Variants in IRAG2 observed in about 807,000 individuals in gnomAD.
The protein encoded by IRAG2 is lymphoid restricted membrane protein.
A neutral mutation model predicts 69.9 loss-of-function variants in IRAG2; 45 were observed. That is an observed-to-expected ratio of 0.64 (90% confidence interval 0.51 to 0.83). The LOEUF (loss-of-function observed/expected upper bound fraction) is 0.83, where lower values mean the gene tolerates loss of function less well. Among genes scored for constraint, IRAG2 ranks in the 40% least tolerant of loss-of-function variants. The probability of loss-of-function intolerance (pLI) is 0.00; values close to 1 mark genes in which losing one functional copy is unlikely to be tolerated. For synonymous variants in IRAG2, 193 were observed against 202.4 expected, an observed-to-expected ratio of 0.95 and a Z score of 0.40; for missense variants, 520 against 587.0, an observed-to-expected ratio of 0.89 and a Z score of 1.18.
At chr12:25,028,612 C>T (rs1944644018) in intron 9 of IRAG2, among the ~76,000 whole-genome samples, 5 of 152,044 alleles carry the variant, frequency 3.3e-5, no homozygotes, top group African/African-American at 1.2e-4. Context: ...ATATTTCATA[C>T]ATATTTTTGT....
At chr12:25,102,168 T>C (rs1480226509) in intron 16 of IRAG2, 30 bp from the exon 17 acceptor site, 6 of 1,601,454 alleles carry the variant, frequency 3.7e-6, no homozygotes, top group African/African-American at 2.7e-5. Flanking sequence ...GTGTAATAGC[T>C]AAAATGTGTC....
chr12:25,023,275 G>T (rs974692367), intron 7 of IRAG2, among the ~76,000 whole-genome samples: 2 of 151,992 alleles, frequency 1.3e-5, no homozygotes, highest in Non-Finnish European at 2.9e-5. Context: ...TATTATAAAG[G>T]TAATACCTAT....
chr12:25,064,696 G>T (rs1945855162), intron 4 of IRAG2, among the ~76,000 whole-genome samples: 1 of 152,172 alleles, frequency 6.6e-6, no homozygotes, highest in African/African-American at 2.4e-5. Flanking sequence ...AATACTAATG[G>T]AGTGTCTATT....
At chr12:25,032,646 A>T (rs1358827917) in intron 12 of IRAG2, among the ~76,000 whole-genome samples, 2 of 152,196 alleles carry the variant, frequency 1.3e-5, no homozygotes. Flanking sequence ...CAAGATCAGG[A>T]TGCCAGCAGG....
chr12:25,097,517 A>T (rs1165085712), intron 15 of IRAG2: 1 of 152,344 alleles, frequency 6.6e-6, no homozygotes, highest in Non-Finnish European at 1.5e-5. Context: ...TCCAGTAAAT[A>T]TCCTTGTATA....
intron 9 of IRAG2, among the ~76,000 whole-genome samples, chr12:25,082,826 A>G (rs2140125789): frequency 6.6e-6 from 1 of 152,314 alleles, no homozygotes; most frequent in South Asian, 2.1e-4. Context: ...GCACTGAACT[A>G]AATGTAGGAC....
Position 25,034,019 on chromosome 12 carries a change from G to T in IRAG2, c.1743+72G>T, listed in dbSNP as rs185881834. The T allele has an allele frequency of 1.0e-5, 4 of 397,690 alleles. No homozygotes were observed. The East Asian group carries it at 1.4e-4, about 14-fold the overall frequency. 24.6% of individuals were successfully genotyped at this position (397,690 alleles called of 1,614,324 possible). A position where few individuals can be genotyped will look rare whatever the true frequency, so the allele number is the denominator to read the frequency against. On this transcript the variant is annotated intron_variant, in intron 13 of 38. Coordinates refer to the IRAG2 transcript ENST00000636465. ...ATGTGATAGCTTATGATTTAATGAA[G>T]GTTCACAGCTTGCCAAAAACTACCA...
At chr12:25,030,829 G>C (rs544264842) in intron 10 of IRAG2, among the ~76,000 whole-genome samples, 1 of 152,332 alleles carries the variant, frequency 6.6e-6, no homozygotes, top group Non-Finnish European at 1.5e-5. Flanking sequence ...CCAGTCACTG[G>C]CTAGATACTG....
chr12:25,015,125 T>TA, intron 3 of IRAG2: 1 of 419,512 alleles, frequency 2.4e-6, no homozygotes, highest in African/African-American at 3.4e-5. Context: ...CAAAACTTGG[T>TA]CAGGCAAAGA....
chr12:25,075,356 TTAG>T (rs1402997617), intron 6 of IRAG2, among the ~76,000 whole-genome samples: 1 of 152,178 alleles, frequency 6.6e-6, no homozygotes, highest in East Asian at 1.9e-4. Flanking sequence ...TAAATATTTA[TTAG>T]TAGAAGGTTT....
chr12:25,067,102 T>C (rs912356754), intron 5 of IRAG2, among the ~76,000 whole-genome samples: 4 of 152,214 alleles, frequency 2.6e-5, no homozygotes, highest in African/African-American at 9.7e-5. Flanking sequence ...TACCGTAGAC[T>C]GCTAAGTTAA....
At chr12:25,041,135 G>A (rs1944745274) in intron 16 of IRAG2, among the ~76,000 whole-genome samples, 1 of 152,120 alleles carries the variant, frequency 6.6e-6, no homozygotes, top group Non-Finnish European at 1.5e-5. Context: ...AGGAGCCTGA[G>A]GTTGTAGTGA....
In IRAG2 at chr12:25,107,043, T is replaced by C. The variant is rs1465631007; in HGVS notation, c.1249T>C (p.Ser417Pro). The change falls in exon 21 of 22, where the codon TCT (serine) becomes CCT (proline). Residue 417 changes from serine (S) to proline (P), a missense_variant. Transcript: ENST00000556887. ...AAATAATCCATCAAAGTGGGATGTC[T>C]CTTCAGTGTAAGTTATCTACTTGAT... ...KKNNPSKWDV[S>P]SVYDTIASWA... The C allele has an allele frequency of 1.9e-6, 3 of 1,577,836 alleles. No individual in the cohort carries two copies. Among genetic ancestry groups the C allele is most frequent in the Non-Finnish European group, 2.6e-6 (3 of 1,152,044 alleles).
rs764265527 is a variant in IRAG2, at chr12:25,046,672, TAAAG to T, written c.2145-5560_2145-5557del. ...ACTACAAAATATTGATGAGAGAAAT[TAAAG>T]AAGACACAAATAAATGAAAAGGCAT... On this transcript the variant is annotated intron_variant, in intron 16 of 38. Coordinates refer to the IRAG2 transcript ENST00000636465. 2.5e-4 allele frequency among the ~76,000 whole-genome samples: 38 copies of T among 152,186 alleles called. 1 individual carries two copies. The highest frequency in any genetic ancestry group is 2.0e-4 in the Admixed American group (3 of 15,290).
chr12:25,063,549 T>C (rs1273148648), intron 3 of IRAG2, among the ~76,000 whole-genome samples, 171 bp from the exon 4 acceptor site: 8 of 152,230 alleles, frequency 5.3e-5, no homozygotes, highest in African/African-American at 9.6e-5. Context: ...TACCTTTTGA[T>C]CAAACACTTG....
At chr12:25,035,266 C>T (rs1944694293) in intron 13 of IRAG2, among the ~76,000 whole-genome samples, 1 of 152,152 alleles carries the variant, frequency 6.6e-6, no homozygotes, top group African/African-American at 2.4e-5. Context: ...ATCATATGGT[C>T]TTTTATGAAT....
intron 6 of IRAG2, among the ~76,000 whole-genome samples, chr12:25,017,974 T>G (rs1944544887): frequency 6.6e-6 from 1 of 152,182 alleles, no homozygotes; most frequent in African/African-American, 2.4e-5. Context: ...TTATTTCACT[T>G]AGCATAATGT....
intron 5 of IRAG2, among the ~76,000 whole-genome samples, chr12:25,067,096 G>A (rs59661215): frequency 0.01 from 1,586 of 152,110 alleles, 11 homozygotes; most frequent in African/African-American, 0.023. Context: ...GGACTATACC[G>A]TAGACTGCTA....
rs1365265990 is a variant in IRAG2, at chr12:25,032,954, CTTTCT to C, written c.1643+589_1643+593del. Among the ~76,000 whole-genome samples, 61 of 93,328 alleles carry C rather than the reference CTTTCT, an allele frequency of 6.5e-4. No homozygotes were observed. The South Asian group carries it at 0.025, about 38-fold the overall frequency. 61.2% of individuals were successfully genotyped at this position (93,328 alleles called of 152,430 possible). ...TTACCCTGGAACTAAGTAACTCTTT[CTTTCT>C]TTTTTTTTTTTTTTGGAGGTGGAGT... On this transcript the variant is annotated intron_variant, in intron 12 of 38. Coordinates refer to the IRAG2 transcript ENST00000636465.
Sources: gnomAD v4.1 joint callset for allele counts (sites outside exome capture counted in the v4.1 genomes callset) on GRCh38, gnomAD v4.1.1 for gene constraint, MANE v1.5 for transcripts, NCBI Gene and HGNC (gene_info 2026-07-23, HGNC 2026-07-21) for gene names.